The following KMT2C variants were observed in gnomAD, a reference collection of about 807,000 sequenced individuals.
KMT2C encodes the protein histone-lysine N-methyltransferase 2C.
In KMT2C, 88 loss-of-function variants were observed where a neutral mutation model predicts 507.9. The observed-to-expected ratio is 0.17, with a 90% CI of 0.15 to 0.21. The LOEUF is 0.21. Among genes scored for constraint, KMT2C ranks in the 10% least tolerant of loss-of-function variants. The pLI, the probability that KMT2C is intolerant of heterozygous loss-of-function variation, is 1.00. For missense variants in KMT2C, 4,954 were observed against 5,957.8 expected, an observed-to-expected ratio of 0.83 and a Z score of 5.55; for synonymous variants, 2,049 against 2,080.8, an observed-to-expected ratio of 0.98 and a Z score of 0.42.
intron 1 of KMT2C, among the ~76,000 whole-genome samples, chr7:152,363,518 A>G (rs1002608005): frequency 6.6e-6 from 1 of 152,230 alleles, no homozygotes; most frequent in Non-Finnish European, 1.5e-5. Flanking sequence ...CCAGACAAAT[A>G]TAAGAAACAA....
At chr7:152,243,849 A>G (rs1407306385) in intron 14 of KMT2C, among the ~76,000 whole-genome samples, 2 of 152,146 alleles carry the variant, frequency 1.3e-5, no homozygotes, top group Non-Finnish European at 2.9e-5. Context: ...CGTTTCATAA[A>G]ATGCTTAATA....
intron 2 of KMT2C, among the ~76,000 whole-genome samples, chr7:152,349,445 G>A (rs1589363833): frequency 6.6e-6 from 1 of 151,540 alleles, no homozygotes; most frequent in Admixed American, 6.6e-5. Flanking sequence ...ACTCCATAAA[G>A]AAAGAAAAGA....
At chr7:152,253,762 C>T (rs2095602155) in intron 9 of KMT2C, among the ~76,000 whole-genome samples, 1 of 152,080 alleles carries the variant, frequency 6.6e-6, no homozygotes, top group South Asian at 2.1e-4. Context: ...TATTGCTCCA[C>T]ATCAAAAGTC....
Position 152,182,364 on chromosome 7 carries a change from T to C in KMT2C, c.5496A>G (p.Lys1832=), listed in dbSNP as rs200038259. 118 of 1,613,336 alleles carry C rather than the reference T, an allele frequency of 7.3e-5. No individual in the cohort carries two copies. Among genetic ancestry groups the C allele is most frequent in the Non-Finnish European group, 1.0e-4 (118 of 1,179,624 alleles). ...TAGACGTAGGGGTACTGGGTGGCTG[T>C]TTTGTAAACAGTTCTTTATGGAATG... ...AQSFHKELFT[K]QPPSTPTSTS... The change falls in exon 36 of 59, where the codon AAA becomes AAG. Residue 1832 remains lysine (K), a synonymous_variant. Coordinates refer to ENST00000262189, the MANE Select transcript of KMT2C (RefSeq NM_170606.3).
Position 152,250,936 on chromosome 7 carries a change from G to A in KMT2C, c.1652C>T (p.Pro551Leu). ...DYNNEMEVEG[P>L]EDQMVFSEQA... The stretch of plus-strand genomic sequence containing the variant: ...CTCTGAGAATACCATTTGATCTTCA[G>A]GGCCTTCAACTTCCATTTCATTGTT... Residue 551 changes from proline to leucine, a missense_variant, in exon 12 of 59, where the codon CCT (proline) becomes CTT (leucine). By Grantham distance (98) the Pro-to-Leu change is moderately conservative (BLOSUM62 -3). Transcript: ENST00000262189. 4 of 1,606,766 alleles carry A rather than the reference G, an allele frequency of 2.5e-6. No homozygotes were observed. Among genetic ancestry groups the A allele is most frequent in the East Asian group, 2.2e-5 (1 of 44,788 alleles).
intron 3 of KMT2C, among the ~76,000 whole-genome samples, chr7:152,327,328 T>A (rs534557890): frequency 6.6e-6 from 1 of 152,322 alleles, no homozygotes; most frequent in South Asian, 2.1e-4. Context: ...ACAGTGACAG[T>A]GTGCTACTCA....
intron 7 of KMT2C, among the ~76,000 whole-genome samples, chr7:152,271,240 A>T (rs2095961338): frequency 6.6e-6 from 1 of 152,208 alleles, no homozygotes; most frequent in African/African-American, 2.4e-5. Flanking sequence ...AGGAAAAAAT[A>T]TTTATAAAAC....
chr7:152,173,615 C>T (rs574399357), intron 39 of KMT2C, among the ~76,000 whole-genome samples: 8 of 152,260 alleles, frequency 5.3e-5, no homozygotes, highest in South Asian at 4.1e-4. Context: ...TTCTTTAATG[C>T]GTAATTTCTG....
At position 152,267,840 on chromosome 7, in the gene KMT2C, A is replaced by C. The variant is rs180774844; in HGVS notation, c.1013-2631T>G. ...AGGCCCTTATCTCCCTTTCCAACTG[A>C]ATCTCAGAACCACTCACTATCTCGT... is the stretch of plus-strand genomic sequence containing the variant. On this transcript the variant is annotated intron_variant, in intron 7 of 58. Transcript: ENST00000262189. Among the ~76,000 whole-genome samples, 211 of 152,276 alleles carry C rather than the reference A, an allele frequency of 1.4e-3. 1 individual carries two copies. The highest frequency in any genetic ancestry group is 4.9e-3 in the African/African-American group (204 of 41,574).
At chr7:152,330,154 G>T in intron 3 of KMT2C, among the ~76,000 whole-genome samples, 1 of 130,900 alleles carries the variant, frequency 7.6e-6, no homozygotes, top group African/African-American at 2.8e-5. Context: ...AAAAAAGGGA[G>T]GGGGGGAGGG....
intron 1 of KMT2C, among the ~76,000 whole-genome samples, chr7:152,419,563 C>G (rs951557045): frequency 1.9e-4 from 29 of 152,120 alleles, no homozygotes; most frequent in Non-Finnish European, 4.3e-4. Context: ...ACAGTTGTTG[C>G]CGGTTATTTT....
At chr7:152,255,144 T>TATATATATATATATATATATATAC (rs1361185988) in intron 9 of KMT2C, among the ~76,000 whole-genome samples, 1 of 120,396 alleles carries the variant, frequency 8.3e-6, no homozygotes, top group African/African-American at 3.4e-5. Context: ...TATATATATA[T>TATATATATATATATATATATATAC]ACATATATAT....
At chr7:152,255,142 T>TATATATATATATATATATATATAC (rs1273227523) in intron 9 of KMT2C, among the ~76,000 whole-genome samples, 1 of 126,352 alleles carries the variant, frequency 7.9e-6, no homozygotes, top group Admixed American at 8.1e-5. Context: ...TATATATATA[T>TATATATATATATATATATATATAC]ATACATATAT....
intron 2 of KMT2C, among the ~76,000 whole-genome samples, chr7:152,344,901 G>A (rs1036389786): frequency 5.3e-5 from 8 of 151,742 alleles, no homozygotes; most frequent in African/African-American, 1.9e-4. Flanking sequence ...GCAGGAGAAT[G>A]GCGTGAACCC....
At chr7:152,415,579 A>G (rs2097726149) in intron 1 of KMT2C, among the ~76,000 whole-genome samples, 1 of 152,168 alleles carries the variant, frequency 6.6e-6, no homozygotes, top group East Asian at 1.9e-4. Flanking sequence ...CAAGAAATAC[A>G]AGTAATAAAA....
intron 26 of KMT2C, among the ~76,000 whole-genome samples, chr7:152,200,988 A>G (rs1043098488): frequency 3.3e-5 from 5 of 152,186 alleles, no homozygotes; most frequent in African/African-American, 1.2e-4. Context: ...CATTTCTTAT[A>G]ATAAGCAATG....
At chr7:152,412,400 CA>C (rs35035202) in intron 1 of KMT2C, among the ~76,000 whole-genome samples, 7 of 148,844 alleles carry the variant, frequency 4.7e-5, no homozygotes, top group South Asian at 2.1e-4. Context: ...GACTCCCTCT[CA>C]AAAAAAAATT....
chr7:152,249,136 T>C (rs1280454479), intron 13 of KMT2C, among the ~76,000 whole-genome samples: 1 of 152,172 alleles, frequency 6.6e-6, no homozygotes, highest in Non-Finnish European at 1.5e-5. Context: ...TCACTGTCTA[T>C]AAATTAAAAG....
chr7:152,145,887 C>T (rs2091053700), intron 53 of KMT2C, among the ~76,000 whole-genome samples: 1 of 152,158 alleles, frequency 6.6e-6, no homozygotes, highest in South Asian at 2.1e-4. Context: ...GAATACATTG[C>T]TTGTGAAATT....
Sources: gnomAD v4.1 joint callset for allele counts (sites outside exome capture counted in the v4.1 genomes callset) on GRCh38, gnomAD v4.1.1 for gene constraint, MANE v1.5 for transcripts, NCBI Gene and HGNC (gene_info 2026-07-23, HGNC 2026-07-21) for gene names.